CGAS: variants seen among roughly 807,000 people sequenced by gnomAD.
The protein encoded by CGAS is cyclic GMP-AMP synthase.
CGAS carries 31 observed loss-of-function variants against 34.0 expected under a neutral mutation model. The observed-to-expected ratio is 0.91, with a 90% confidence interval of 0.69 to 1.23. The LOEUF (loss-of-function observed/expected upper bound fraction) is 1.23, where lower values mean the gene tolerates loss of function less well. CGAS is among the 50% of genes most tolerant of loss of function. The probability of loss-of-function intolerance (pLI) is 0.00; values close to 1 mark genes in which losing one functional copy is unlikely to be tolerated. For synonymous variants in CGAS, 266 were observed against 260.0 expected, an observed-to-expected ratio of 1.02 and a Z score of -0.22; for missense variants, 597 against 657.6, an observed-to-expected ratio of 0.91 and a Z score of 1.01.
intron 1 of CGAS, among the ~76,000 whole-genome samples, chr6:73,446,443 G>GTCCTTTCA (rs150554010): frequency 1.2e-4 from 7 of 57,780 alleles, no homozygotes; most frequent in East Asian, 5.1e-4. Context: ...AAAAAAAATC[G>GTCCTTTCA]GGCCGGGCGC....
chr6:73,436,407 ATATAT>A (rs1370011962), intron 3 of CGAS, among the ~76,000 whole-genome samples: 2 of 149,032 alleles, frequency 1.3e-5, no homozygotes, highest in Admixed American at 6.7e-5. Flanking sequence ...TTTACATGTA[ATATAT>A]TATGTATAAT....
At chr6:73,443,607 T>C (rs528175125) in intron 2 of CGAS, among the ~76,000 whole-genome samples, 77 of 152,162 alleles carry the variant, frequency 5.1e-4, no homozygotes, top group Non-Finnish European at 6.9e-4. Flanking sequence ...CCCACCTCCA[T>C]CTCCCACATT....
chr6:73,428,028 G>T (rs1442522817), intron 4 of CGAS, among the ~76,000 whole-genome samples: 2 of 151,984 alleles, frequency 1.3e-5, no homozygotes, highest in African/African-American at 4.8e-5. Context: ...GCTAGGCTGG[G>T]ATTACAGGTG....
intron 2 of CGAS, among the ~76,000 whole-genome samples, chr6:73,443,235 C>CA (rs1770412964): frequency 9.6e-6 from 1 of 104,224 alleles, no homozygotes. Flanking sequence ...TTCCCAAACT[C>CA]TTTTTTTTTT....
At chr6:73,427,241 CT>C (rs1472909264) in intron 4 of CGAS, among the ~76,000 whole-genome samples, 4 of 151,574 alleles carry the variant, frequency 2.6e-5, no homozygotes, top group Non-Finnish European at 5.9e-5. Context: ...TTTGTTTTGA[CT>C]TTTTAACTTT....
intron 4 of CGAS, among the ~76,000 whole-genome samples, chr6:73,428,408 T>G (rs964966255): frequency 1.3e-5 from 2 of 152,108 alleles, no homozygotes; most frequent in Non-Finnish European, 2.9e-5. Flanking sequence ...CCCATCGAAT[T>G]GTCATGGCTA....
At chr6:73,439,071 T>C (rs1770329320) in intron 3 of CGAS, among the ~76,000 whole-genome samples, 4 of 152,174 alleles carry the variant, frequency 2.6e-5, no homozygotes, top group African/African-American at 9.6e-5. Flanking sequence ...AAACTAAGCA[T>C]GATTGACTAT....
At position 73,452,216 on chromosome 6, in the gene CGAS, G is replaced by T; in HGVS notation, c.-35C>A. The T allele has an allele frequency of 1.3e-6, 2 of 1,566,654 alleles. No individual in the cohort carries two copies. Among genetic ancestry groups the T allele is most frequent in the South Asian group, 2.3e-5 (2 of 86,350 alleles). On this transcript the variant is annotated 5_prime_UTR_variant, in exon 1 of 5. Transcript: ENST00000370315. ...TTTCTGTTCCCCGAAAGAAGAATCCGTTTCAGGAAAAGGCCGCAAGAGGAA... is the reference window on the plus strand; with the variant it reads ...TTTCTGTTCCCCGAAAGAAGAATCCTTTTCAGGAAAAGGCCGCAAGAGGAA...
At chr6:73,433,606 A>G (rs1214664213) in intron 3 of CGAS, among the ~76,000 whole-genome samples, 1 of 151,616 alleles carries the variant, frequency 6.6e-6, no homozygotes, top group Non-Finnish European at 1.5e-5. Context: ...CTCCTGCCTC[A>G]GCCTCCCGAG....
At chr6:73,432,930 A>G (rs1770218452) in intron 3 of CGAS, among the ~76,000 whole-genome samples, 1 of 152,098 alleles carries the variant, frequency 6.6e-6, no homozygotes, top group Non-Finnish European at 1.5e-5. Context: ...CTAAAAATAC[A>G]AAAACTAGCC....
intron 3 of CGAS, among the ~76,000 whole-genome samples, chr6:73,436,514 AAAAGGG>A (rs1315678468): frequency 6.6e-6 from 1 of 151,440 alleles, no homozygotes; most frequent in East Asian, 1.9e-4. Flanking sequence ...TTTTTAAAAT[AAAAGGG>A]ACACCTTTTT....
At chr6:73,448,464 T>C (rs1770505215) in intron 1 of CGAS, among the ~76,000 whole-genome samples, 1 of 152,104 alleles carries the variant, frequency 6.6e-6, no homozygotes, top group South Asian at 2.1e-4. Flanking sequence ...TATGTAACCT[T>C]TTCACTGAGT....
chr6:73,430,157 A>T (rs1770170453), intron 3 of CGAS, among the ~76,000 whole-genome samples: 1 of 152,034 alleles, frequency 6.6e-6, no homozygotes, highest in Non-Finnish European at 1.5e-5. Context: ...GTGAGGTAAA[A>T]AGTTGGAGAG....
At chr6:73,430,369 G>A (rs568418698) in intron 3 of CGAS, among the ~76,000 whole-genome samples, 77 of 152,250 alleles carry the variant, frequency 5.1e-4, no homozygotes, top group Non-Finnish European at 7.6e-4. Flanking sequence ...GGTGGTTCAC[G>A]CCTGTAATCC....
intron 4 of CGAS, among the ~76,000 whole-genome samples, chr6:73,426,281 C>CAAAATAAAATAAAAT (rs566739528): frequency 2.1e-5 from 3 of 144,704 alleles, no homozygotes; most frequent in African/African-American, 7.7e-5. Context: ...GACTCCATCT[C>CAAAATAAAATAAAAT]AAAATAAAAT....
At chr6:73,426,840 CT>C (rs1396742833) in intron 4 of CGAS, among the ~76,000 whole-genome samples, 49 of 145,032 alleles carry the variant, frequency 3.4e-4, no homozygotes, top group African/African-American at 5.0e-4. Context: ...AACAATATTT[CT>C]TTTTTTTTTT....
At chr6:73,448,805 T>G (rs1770510371) in intron 1 of CGAS, among the ~76,000 whole-genome samples, 1 of 152,080 alleles carries the variant, frequency 6.6e-6, no homozygotes, top group Admixed American at 6.6e-5. Flanking sequence ...AGAAAAAGTT[T>G]TAGGCTGGGT....
intron 2 of CGAS, among the ~76,000 whole-genome samples, chr6:73,442,345 C>T (rs1324134433): frequency 1.3e-5 from 2 of 151,956 alleles, no homozygotes; most frequent in Non-Finnish European, 2.9e-5. Context: ...CCTCTCCTTT[C>T]ACCCCACATC....
At chr6:73,434,112 G>T (rs543893790) in intron 3 of CGAS, among the ~76,000 whole-genome samples, 3 of 152,192 alleles carry the variant, frequency 2.0e-5, no homozygotes, top group Non-Finnish European at 4.4e-5. Context: ...ATGGTACAAA[G>T]ATAGACAAAG....
Sources: gnomAD v4.1 joint callset for allele counts (sites outside exome capture counted in the v4.1 genomes callset) on GRCh38, gnomAD v4.1.1 for gene constraint, MANE v1.5 for transcripts, NCBI Gene and HGNC (gene_info 2026-07-23, HGNC 2026-07-21) for gene names.